The following CSMD1 variants were observed in gnomAD, a reference collection of about 807,000 sequenced individuals.
CSMD1 encodes the protein CUB and sushi domain-containing protein 1.
In CSMD1, 213 loss-of-function variants were observed where a neutral mutation model predicts 417.5. The ratio of observed to expected loss-of-function variants is 0.51; its 90% CI spans 0.46 to 0.57. CSMD1 has a LOEUF of 0.57. Ranked by LOEUF, CSMD1 falls within the 20% of genes least tolerant of loss-of-function variation. The pLI, the probability that CSMD1 is intolerant of heterozygous loss-of-function variation, is 0.00. For missense variants in CSMD1, 6,923 were observed against 4,529.7 expected (o/e 1.53, Z -15.17); for synonymous variants, 2,862 against 1,736.8 (o/e 1.65, Z -16.11).
chr8:4,459,560 T>A (rs533715536), intron 2 of CSMD1, among the ~76,000 whole-genome samples: 3 of 152,324 alleles, frequency 2.0e-5, no homozygotes, highest in South Asian at 2.1e-4. Flanking sequence ...TCACTAGAGC[T>A]GCAGGCTAAT....
At chr8:4,811,103 A>G (rs1798873707) in intron 1 of CSMD1, among the ~76,000 whole-genome samples, 1 of 152,198 alleles carries the variant, frequency 6.6e-6, no homozygotes, top group Non-Finnish European at 1.5e-5. Context: ...GTAAGTGGAA[A>G]GCATTTTTAT....
intron 3 of CSMD1, among the ~76,000 whole-genome samples, chr8:4,417,205 T>C (rs978937953): frequency 1.3e-5 from 2 of 152,078 alleles, no homozygotes; most frequent in African/African-American, 4.8e-5. Flanking sequence ...AATTTATCAG[T>C]GTTCCCACTG....
At chr8:3,879,127 C>T (rs148634312) in intron 5 of CSMD1, among the ~76,000 whole-genome samples, 1 of 152,208 alleles carries the variant, frequency 6.6e-6, no homozygotes, top group Non-Finnish European at 1.5e-5. Context: ...GGTGTTCAAA[C>T]AATCATTTTG....
intron 26 of CSMD1, among the ~76,000 whole-genome samples, chr8:3,251,216 A>T (rs1800228571): frequency 6.6e-6 from 1 of 152,178 alleles, no homozygotes; most frequent in Non-Finnish European, 1.5e-5. Flanking sequence ...TTAAGTCTTT[A>T]ACCCATCTTG....
At chr8:4,362,026 A>G (rs1801796982) in intron 3 of CSMD1, among the ~76,000 whole-genome samples, 1 of 152,168 alleles carries the variant, frequency 6.6e-6, no homozygotes, top group Non-Finnish European at 1.5e-5. Flanking sequence ...AAAGCAAGAC[A>G]AGGATTAGAG....
chr8:3,630,639 G>T (rs1054810763), intron 7 of CSMD1, among the ~76,000 whole-genome samples: 1 of 152,162 alleles, frequency 6.6e-6, no homozygotes, highest in African/African-American at 2.4e-5. Flanking sequence ...AGGGTTGAAG[G>T]GCAGCAGACA....
intron 18 of CSMD1, among the ~76,000 whole-genome samples, chr8:3,369,666 C>G (rs1381476236): frequency 1.3e-5 from 2 of 152,226 alleles, no homozygotes; most frequent in Non-Finnish European, 2.9e-5. Context: ...CAGGTTTGCA[C>G]TCCTGAGAGC....
intron 60 of CSMD1, among the ~76,000 whole-genome samples, 186 bp from the exon 61 acceptor site, chr8:2,962,825 G>A (rs1009347746): frequency 6.6e-6 from 1 of 152,218 alleles, no homozygotes; most frequent in African/African-American, 2.4e-5. Flanking sequence ...GAGGCAGGCG[G>A]ATCGCTTGAG....
At chr8:3,851,080 T>A (rs910404510) in intron 5 of CSMD1, among the ~76,000 whole-genome samples, 6 of 152,228 alleles carry the variant, frequency 3.9e-5, no homozygotes, top group Non-Finnish European at 7.3e-5. Context: ...TTCAAATCTA[T>A]TTAGGTATAA....
intron 3 of CSMD1, among the ~76,000 whole-genome samples, chr8:4,163,534 A>T (rs575280713): frequency 6.6e-6 from 1 of 152,334 alleles, no homozygotes; most frequent in South Asian, 2.1e-4. Context: ...ATTTAATATT[A>T]GGTAAAGCTA....
intron 1 of CSMD1, among the ~76,000 whole-genome samples, chr8:4,843,788 G>T (rs1159558840): frequency 2.0e-5 from 3 of 152,188 alleles, no homozygotes; most frequent in Non-Finnish European, 4.4e-5. Context: ...TCCGTTGAAT[G>T]AACAAACTGA....
chr8:3,406,098 C>G lies in CSMD1; in HGVS notation c.2195G>C (p.Gly732Ala). 2 of 1,613,900 alleles carry G rather than the reference C, an allele frequency of 1.2e-6. No homozygotes were observed. The highest frequency in any genetic ancestry group is 1.7e-6 in the Non-Finnish European group (2 of 1,179,864). The part of the protein sequence containing the change: ...HCDDGFVKTQ[G>A]SESITCILQD... ...CAGTATGCAGGTAATGGACTCGGAT[C>G]CCTGGGTCTTGACAAAGCCATCATC... The change falls in exon 15 of 70, where the codon GGA becomes GCA. Residue 732 changes from glycine (G) to alanine (A), a missense_variant. Gly to Ala is a moderately conservative substitution (Grantham distance 60). Coordinates refer to ENST00000635120, the MANE Select transcript of CSMD1 (RefSeq NM_033225.6).
At position 4,568,929 on chromosome 8, in the gene CSMD1, G is replaced by A. The variant is rs538802394; in HGVS notation, c.302+68413C>T. On this transcript the variant is annotated intron_variant, in intron 2 of 69. Transcript: ENST00000635120. Reference sequence around the variant, plus strand: ...CAGCATAAATGTCTTCTTTTGAGAAGTGTCTGTTCATATCCTTCACCCGCT... The same window carrying A: ...CAGCATAAATGTCTTCTTTTGAGAAATGTCTGTTCATATCCTTCACCCGCT... Among the ~76,000 whole-genome samples, 7 of 152,260 alleles carry A rather than the reference G, an allele frequency of 4.6e-5. No homozygotes were observed. In the South Asian group the frequency reaches 6.2e-4, roughly 14 times the overall value.
chr8:3,903,914 C>T (rs1356999795), intron 5 of CSMD1, among the ~76,000 whole-genome samples: 1 of 152,036 alleles, frequency 6.6e-6, no homozygotes, highest in Admixed American at 6.6e-5. Flanking sequence ...TGGCACACTA[C>T]CATGTACCTC....
intron 1 of CSMD1, among the ~76,000 whole-genome samples, chr8:4,908,768 T>C (rs981586445): frequency 6.6e-6 from 1 of 152,058 alleles, no homozygotes; most frequent in Admixed American, 6.6e-5. Context: ...AGTTTTCATG[T>C]TTCTGCTTGC....
intron 2 of CSMD1, among the ~76,000 whole-genome samples, chr8:4,544,330 T>A (rs189857585): frequency 1.3e-5 from 2 of 152,224 alleles, no homozygotes; most frequent in South Asian, 2.1e-4. Flanking sequence ...TTTATTTAAT[T>A]TTGGTAGGTA....
At chr8:3,430,237 G>C (rs1327654231) in intron 12 of CSMD1, among the ~76,000 whole-genome samples, 1 of 152,018 alleles carries the variant, frequency 6.6e-6, no homozygotes, top group Admixed American at 6.6e-5. Context: ...TCTGCTATAA[G>C]GGAGATGTTA....
chr8:3,994,951 G>T (rs144705419), intron 5 of CSMD1, among the ~76,000 whole-genome samples: 172 of 152,202 alleles, frequency 1.1e-3, no homozygotes, highest in African/African-American at 3.6e-3. Context: ...TCCACTCACA[G>T]TCACTCGCAC....
Position 2,958,823 on chromosome 8 carries a change from A to C in CSMD1, c.9703-1016T>G, listed in dbSNP as rs73499066. 3.8e-3 allele frequency among the ~76,000 whole-genome samples: 586 copies of C among 152,274 alleles called. 3 individuals carry two copies. The highest frequency in any genetic ancestry group is 0.013 in the African/African-American group (547 of 41,546). On this transcript the variant is annotated intron_variant, in intron 62 of 69. Coordinates refer to ENST00000635120, the MANE Select transcript of CSMD1 (RefSeq NM_033225.6). ...TCTGAGAATTTTAACCAGTTATTTA[A>C]TTCCCTGTGTCTGCCTTCTCACAGG...
Sources: allele counts gnomAD v4.1 joint callset (sites outside exome capture counted in the v4.1 genomes callset), GRCh38; gene constraint gnomAD v4.1.1; transcripts MANE v1.5; gene names NCBI Gene and HGNC (gene_info 2026-07-23, HGNC 2026-07-21).